XPO4: variants seen among roughly 807,000 people sequenced by gnomAD.
The protein encoded by XPO4 is exportin-4.
XPO4 carries 39 observed loss-of-function variants against 143.0 expected under a neutral mutation model. The ratio of observed to expected loss-of-function variants is 0.27; its 90% CI spans 0.21 to 0.36. The LOEUF (loss-of-function observed/expected upper bound fraction) is 0.36. Among genes scored for constraint, XPO4 ranks in the 10% least tolerant of loss-of-function variants. XPO4 has a pLI of 1.00. For synonymous variants in XPO4, 439 were observed against 474.0 expected (o/e 0.93, Z 0.96); for missense variants, 907 against 1,348.0 (o/e 0.67, Z 5.12).
intron 2 of XPO4, among the ~76,000 whole-genome samples, chr13:20,866,753 A>T (rs2060248534): frequency 1.3e-5 from 2 of 152,242 alleles, no homozygotes; most frequent in Non-Finnish European, 2.9e-5. Flanking sequence ...TCAGGAAAAC[A>T]AAAGTATTCC....
intron 6 of XPO4, among the ~76,000 whole-genome samples, chr13:20,831,427 CTGAT>C (rs1279590301): frequency 1.3e-5 from 2 of 152,074 alleles, no homozygotes; most frequent in African/African-American, 4.8e-5. Context: ...TGACAATGAA[CTGAT>C]TATTTACTAA....
chr13:20,833,007 A>G (rs1479363135), intron 6 of XPO4, among the ~76,000 whole-genome samples: 2 of 152,190 alleles, frequency 1.3e-5, no homozygotes, highest in Non-Finnish European at 2.9e-5. Context: ...AAGAAGTATC[A>G]CTGAAGCCAA....
At chr13:20,798,113 A>C (rs1820691166) in intron 16 of XPO4, among the ~76,000 whole-genome samples, 1 of 152,186 alleles carries the variant, frequency 6.6e-6, no homozygotes, top group Non-Finnish European at 1.5e-5. Context: ...ACTGCACTCC[A>C]GCCTGAGTGA....
At chr13:20,841,157 A>G (rs767904458) in intron 6 of XPO4, among the ~76,000 whole-genome samples, 7 of 152,212 alleles carry the variant, frequency 4.6e-5, no homozygotes, top group Non-Finnish European at 7.3e-5. Flanking sequence ...TACATATATA[A>G]TTAATATTTT....
At position 20,822,259 on chromosome 13, in the gene XPO4, T is replaced by C. The variant is rs1272232120; in HGVS notation, c.871A>G (p.Met291Val). ...AGGCACTGCAGAGAATCTTGTGCCA[T>C]ATCTGAATCTTCTCTGATTTTTCGA... is the stretch of plus-strand genomic sequence containing the variant. ...VHRKIREDSD[M>V]AQDSLQCLAQ... is the part of the protein sequence containing the mutation. The change falls in exon 8 of 23, where the codon ATG (methionine) becomes GTG (valine). Residue 291 changes from methionine to valine, a missense_variant. Coordinates refer to ENST00000255305, the MANE Select transcript of XPO4 (RefSeq NM_022459.5). 1.2e-6 allele frequency: 2 copies of C among 1,612,540 alleles called. No homozygotes were observed. The highest frequency in any genetic ancestry group is 8.5e-7 in the Non-Finnish European group (1 of 1,179,460).
At chr13:20,885,621 G>A (rs997962016) in intron 1 of XPO4, among the ~76,000 whole-genome samples, 2 of 152,058 alleles carry the variant, frequency 1.3e-5, no homozygotes, top group South Asian at 2.1e-4. Context: ...TAAAACTCAA[G>A]GGCATGGAAA....
At chr13:20,896,022 CTA>C (rs1566632634) in intron 1 of XPO4, among the ~76,000 whole-genome samples, 1 of 152,148 alleles carries the variant, frequency 6.6e-6, no homozygotes, top group African/African-American at 2.4e-5. Context: ...TGGGGGTCAG[CTA>C]TATATTGAAG....
intron 1 of XPO4, among the ~76,000 whole-genome samples, chr13:20,894,548 A>AT (rs985998932): frequency 4.9e-4 from 74 of 150,246 alleles, no homozygotes; most frequent in African/African-American, 1.1e-3. Flanking sequence ...TTAAAAGTAG[A>AT]TTTTTTTTTT....
At chr13:20,808,295 A>G in intron 12 of XPO4, 141 bp downstream of exon 12, 1 of 851,122 alleles carries the variant, frequency 1.2e-6, no homozygotes, top group Non-Finnish European at 1.6e-6. Flanking sequence ...AAATGCATCC[A>G]TAGTTCTATG....
intron 1 of XPO4, among the ~76,000 whole-genome samples, chr13:20,893,998 C>A (rs553763680): frequency 1.8e-4 from 28 of 152,178 alleles, no homozygotes; most frequent in African/African-American, 6.0e-4. Flanking sequence ...CATGCGCCAC[C>A]ACACCAGCTA....
Position 20,797,002 on chromosome 13 carries a change from TG to T in XPO4, c.2377del (p.Gln793SerfsTer17). ...FLRVINQENF[Q>X]QMCQQEEVKQ... ...GACTTCCTCTTGCTGACACATCTGC[TG>T]GAAGTTTTCTTGGTTTATCACTCTT... On this transcript the variant is annotated frameshift_variant, in exon 17 of 23. Coordinates refer to ENST00000255305, the MANE Select transcript of XPO4 (RefSeq NM_022459.5). LOFTEE classifies it high-confidence loss of function. The T allele has an allele frequency of 6.2e-7, 1 of 1,612,646 alleles. No individual in the cohort carries two copies. Among genetic ancestry groups the T allele is most frequent in the Non-Finnish European group, 8.5e-7 (1 of 1,179,324 alleles).
chr13:20,868,801 G>T, intron 1 of XPO4, 100 bp from the exon 2 acceptor site: 1 of 1,067,536 alleles, frequency 9.4e-7, no homozygotes, highest in Non-Finnish European at 1.4e-6. Context: ...CTTCACTTTT[G>T]GGGGGCAAGA....
At position 20,807,695 on chromosome 13, in the gene XPO4, TATAA is replaced by T. The variant is rs1595076932; in HGVS notation, c.1640-65_1640-62del. ...CAAATCTACATTTATCAAATTGTAC[TATAA>T]ATGTTTTCAGTTTGATTTATATACA... On this transcript the variant is annotated intron_variant, in intron 12 of 22. Coordinates refer to ENST00000255305, the MANE Select transcript of XPO4 (RefSeq NM_022459.5). The T allele has an allele frequency of 1.2e-5, 16 of 1,280,054 alleles. No individual in the cohort carries two copies. The East Asian group carries it at 2.2e-4, about 18-fold the overall frequency. 79.3% of individuals were successfully genotyped at this position (1,280,054 alleles called of 1,614,324 possible).
At chr13:20,888,774 T>C (rs1716565689) in intron 1 of XPO4, among the ~76,000 whole-genome samples, 1 of 151,950 alleles carries the variant, frequency 6.6e-6, no homozygotes. Context: ...TTCACAATTA[T>C]GAGATAAGTC....
At chr13:20,794,168 TTAAG>T (rs1417117369) in intron 18 of XPO4, among the ~76,000 whole-genome samples, 5 of 152,172 alleles carry the variant, frequency 3.3e-5, no homozygotes, top group Non-Finnish European at 7.3e-5. Context: ...ACTGTAGTAC[TTAAG>T]TAGGTAGGAA....
intron 1 of XPO4, among the ~76,000 whole-genome samples, chr13:20,899,605 G>GT (rs1422449013): frequency 6.6e-6 from 1 of 152,126 alleles, no homozygotes; most frequent in Non-Finnish European, 1.5e-5. Context: ...CAAAAAATTT[G>GT]TTACAATTTC....
At chr13:20,834,066 G>A (rs1402024098) in intron 6 of XPO4, among the ~76,000 whole-genome samples, 3 of 152,084 alleles carry the variant, frequency 2.0e-5, no homozygotes, top group African/African-American at 4.8e-5. Flanking sequence ...AGAGGAATTC[G>A]CTCTCTGGGC....
At chr13:20,880,241 G>C (rs1429575890) in intron 1 of XPO4, among the ~76,000 whole-genome samples, 1 of 152,152 alleles carries the variant, frequency 6.6e-6, no homozygotes, top group Non-Finnish European at 1.5e-5. Context: ...AGACCAGCCT[G>C]GCCAAGATGG....
chr13:20,827,981 T>C (rs1005679511), intron 6 of XPO4, among the ~76,000 whole-genome samples: 2 of 152,176 alleles, frequency 1.3e-5, no homozygotes, highest in Non-Finnish European at 2.9e-5. Flanking sequence ...CTCACGCCTG[T>C]AATCTCCACA....
Sources: allele counts gnomAD v4.1 joint callset (sites outside exome capture counted in the v4.1 genomes callset), GRCh38; gene constraint gnomAD v4.1.1; transcripts MANE v1.5; gene names NCBI Gene and HGNC (gene_info 2026-07-23, HGNC 2026-07-21).